OR10J1: variants seen among roughly 807,000 people sequenced by gnomAD.
The protein encoded by OR10J1 is olfactory receptor family 10 subfamily J member 1, also known as olfactory receptor 10J1.
For missense variants in OR10J1, 474 were observed against 376.6 expected (o/e 1.26, Z -2.14); for synonymous variants, 202 against 143.8 (o/e 1.40, Z -2.89).
chr1:159,423,376 T>A, the OR10J1 span, among the ~76,000 whole-genome samples: 1 of 152,230 alleles, frequency 6.6e-6, no homozygotes, highest in African/African-American at 2.4e-5. Flanking sequence ...CAGGCACTGA[T>A]GATCCATTGA....
the OR10J1 span, among the ~76,000 whole-genome samples, chr1:159,417,321 C>T: frequency 6.6e-6 from 1 of 152,026 alleles, no homozygotes; most frequent in Admixed American, 6.6e-5. Context: ...GATCAAATGG[C>T]CTTTGAGGAG....
At chr1:159,418,639 A>G in the OR10J1 span, among the ~76,000 whole-genome samples, 1 of 152,160 alleles carries the variant, frequency 6.6e-6, no homozygotes, top group Non-Finnish European at 1.5e-5. Context: ...TGGCAGGAAA[A>G]TGCGTGGTTG....
chr1:159,423,953 A>G, the OR10J1 span, among the ~76,000 whole-genome samples: 1 of 152,096 alleles, frequency 6.6e-6, no homozygotes, highest in East Asian at 1.9e-4. Flanking sequence ...AAGCCACACT[A>G]CATCTGTAAT....
At chr1:159,411,629 T>C in the OR10J1 span, among the ~76,000 whole-genome samples, 1 of 152,142 alleles carries the variant, frequency 6.6e-6, no homozygotes, top group African/African-American at 2.4e-5. Flanking sequence ...TACAGCACAC[T>C]GATGAGTCTT....
At chr1:159,416,419 A>G in the OR10J1 span, among the ~76,000 whole-genome samples, 4 of 146,500 alleles carry the variant, frequency 2.7e-5, no homozygotes, top group African/African-American at 9.9e-5. Flanking sequence ...ATTTTTCTTC[A>G]TCTATTGAGA....
At chr1:159,426,850 G>C in the OR10J1 span, among the ~76,000 whole-genome samples, 9 of 151,950 alleles carry the variant, frequency 5.9e-5, no homozygotes, top group South Asian at 1.9e-3. Context: ...ATACATCATA[G>C]ATATTTAATA....
At chr1:159,428,181 C>T in the OR10J1 span, among the ~76,000 whole-genome samples, 1 of 151,912 alleles carries the variant, frequency 6.6e-6, no homozygotes, top group Non-Finnish European at 1.5e-5. Flanking sequence ...TAACCAAATG[C>T]AATGTGAAGA....
At chr1:159,431,744 A>G in the OR10J1 span, among the ~76,000 whole-genome samples, 5 of 151,784 alleles carry the variant, frequency 3.3e-5, no homozygotes, top group South Asian at 4.1e-4. Context: ...AAAATTACCT[A>G]TGATATTCAA....
At chr1:159,404,079 T>C in the OR10J1 span, among the ~76,000 whole-genome samples, 1 of 152,002 alleles carries the variant, frequency 6.6e-6, no homozygotes, top group African/African-American at 2.4e-5. Flanking sequence ...ATTGAACTCA[T>C]GGGCATAGAG....
the OR10J1 span, among the ~76,000 whole-genome samples, chr1:159,420,065 T>C: frequency 2.0e-5 from 3 of 152,180 alleles, no homozygotes; most frequent in Non-Finnish European, 1.5e-5. Context: ...CTGTTGTTAT[T>C]ATATAATGAC....
chr1:159,402,285 A>G, the OR10J1 span, among the ~76,000 whole-genome samples: 1 of 152,116 alleles, frequency 6.6e-6, no homozygotes, highest in African/African-American at 2.4e-5. Context: ...AAAGAAATAA[A>G]GGGCATCCAA....
At chr1:159,433,476 C>T (rs1204559864), upstream of OR10J1, among the ~76,000 whole-genome samples, 4 of 152,122 alleles carry the variant, frequency 2.6e-5, no homozygotes, top group South Asian at 6.2e-4. Flanking sequence ...AGAATATATA[C>T]TATCATATCA....
the OR10J1 span, among the ~76,000 whole-genome samples, chr1:159,416,669 T>C: frequency 1.3e-5 from 2 of 152,058 alleles, no homozygotes; most frequent in African/African-American, 4.8e-5. Context: ...TAGTTCCTTT[T>C]TGAAAGTTTG....
chr1:159,411,898 T>G, the OR10J1 span, among the ~76,000 whole-genome samples: 1 of 152,042 alleles, frequency 6.6e-6, no homozygotes, highest in Non-Finnish European at 1.5e-5. Context: ...AGTCAAATTG[T>G]CCCTGTTTGC....
the OR10J1 span, among the ~76,000 whole-genome samples, chr1:159,417,060 CTATT>C: frequency 1.3e-5 from 2 of 151,876 alleles, no homozygotes; most frequent in Non-Finnish European, 1.5e-5. Flanking sequence ...TTTTAGGTCT[CTATT>C]TCATTTAGTT....
the OR10J1 span, chr1:159,432,105 GC>G: frequency 5.0e-6 from 2 of 399,196 alleles, no homozygotes; most frequent in Non-Finnish European, 8.9e-6. Context: ...CCATTTCAGT[GC>G]CTGCACATGG....
At chr1:159,419,974 G>A in the OR10J1 span, among the ~76,000 whole-genome samples, 4 of 152,102 alleles carry the variant, frequency 2.6e-5, no homozygotes, top group Admixed American at 6.6e-5. Context: ...CTCTTTAGAT[G>A]TAATAATATT....
chr1:159,404,038 CACTT>C, the OR10J1 span, among the ~76,000 whole-genome samples: 1 of 152,044 alleles, frequency 6.6e-6, no homozygotes, highest in Non-Finnish European at 1.5e-5. Context: ...TGCATGTTCT[CACTT>C]ACTTGTGGGA....
chr1:159,400,261 T>C, the OR10J1 span, among the ~76,000 whole-genome samples: 1 of 151,706 alleles, frequency 6.6e-6, no homozygotes, highest in Non-Finnish European at 1.5e-5. Flanking sequence ...TGGACTAAAC[T>C]CTCCAGTGAA....
Sources: gnomAD v4.1 joint callset for allele counts (sites outside exome capture counted in the v4.1 genomes callset) on GRCh38, gnomAD v4.1.1 for gene constraint, MANE v1.5 for transcripts, NCBI Gene and HGNC (gene_info 2026-07-23, HGNC 2026-07-21) for gene names.